The following MITF variants were observed in gnomAD, a reference collection of about 807,000 sequenced individuals.
MITF encodes the protein microphthalmia-associated transcription factor.
Under a neutral mutation model 60.5 loss-of-function variants are expected in MITF, and 17 were observed. The observed-to-expected ratio is 0.28, with a 90% CI of 0.19 to 0.42. The LOEUF is 0.42. MITF is among the 10% of genes least tolerant of loss of function. The pLI is 1.00. For missense variants in MITF, 622 were observed against 683.5 expected, an observed-to-expected ratio of 0.91 and a Z score of 1.00; for synonymous variants, 260 against 248.5, an observed-to-expected ratio of 1.05 and a Z score of -0.43.
intron 1 of MITF, among the ~76,000 whole-genome samples, chr3:69,878,695 A>G (rs2107273698): frequency 6.6e-6 from 1 of 152,302 alleles, no homozygotes; most frequent in East Asian, 1.9e-4. Context: ...AGGCATCTTC[A>G]AAGAACTTAG....
At chr3:69,792,877 A>T (rs2062763573) in intron 1 of MITF, among the ~76,000 whole-genome samples, 1 of 151,968 alleles carries the variant, frequency 6.6e-6, no homozygotes, top group African/African-American at 2.4e-5. Flanking sequence ...TTAATTACAC[A>T]TACATATTTT....
chr3:69,948,423 T>C (rs114294089), intron 5 of MITF, among the ~76,000 whole-genome samples: 2,130 of 151,996 alleles, frequency 0.014, 48 homozygotes, highest in African/African-American at 0.049. Context: ...ATTATTATTC[T>C]CTTGAAAGTG....
intron 1 of MITF, among the ~76,000 whole-genome samples, chr3:69,852,599 T>A (rs1326740253): frequency 6.6e-6 from 1 of 152,238 alleles, no homozygotes; most frequent in Non-Finnish European, 1.5e-5. Flanking sequence ...TGCACTATTA[T>A]GAGCAGTGTT....
At chr3:69,949,256 A>C in intron 6 of MITF, 88 bp downstream of exon 6, 1 of 981,534 alleles carries the variant, frequency 1.0e-6, no homozygotes, top group Non-Finnish European at 1.6e-6. Flanking sequence ...TGTGCAAACT[A>C]TATCCAACTC....
chr3:69,836,357 A>G (rs1289000580), intron 1 of MITF, among the ~76,000 whole-genome samples: 1 of 152,208 alleles, frequency 6.6e-6, no homozygotes, highest in Non-Finnish European at 1.5e-5. Flanking sequence ...ATAATATCCT[A>G]GTATAAGTAT....
At chr3:69,797,720 G>C (rs925457413) in intron 1 of MITF, among the ~76,000 whole-genome samples, 1 of 152,108 alleles carries the variant, frequency 6.6e-6, no homozygotes, top group Admixed American at 6.5e-5. Context: ...AAGGTGACTT[G>C]ATTGTCAAAG....
rs1046824933 is a variant in MITF, at chr3:69,964,839, T to C, written c.1180-8T>C. 3.1e-6 allele frequency: 5 copies of C among 1,613,782 alleles called. No individual in the cohort carries two copies. The highest frequency in any genetic ancestry group is 1.1e-5 in the South Asian group (1 of 91,092). ...TATTTCAGTGTTTTATCTTTACTCT[T>C]ATTATAGGAACTTGAAATGCAGGCT... On this transcript the variant is annotated splice_polypyrimidine_tract_variant and splice_region_variant and intron_variant, in intron 9 of 9. Coordinates refer to ENST00000352241, the MANE Select transcript of MITF (RefSeq NM_001354604.2).
At chr3:69,767,527 G>C (rs537517802) in intron 1 of MITF, among the ~76,000 whole-genome samples, 84 of 152,136 alleles carry the variant, frequency 5.5e-4, no homozygotes, top group Non-Finnish European at 1.1e-3. Context: ...GGAGGTTGCA[G>C]TCAGCCGAGA....
At chr3:69,852,127 A>G (rs2063834457) in intron 1 of MITF, among the ~76,000 whole-genome samples, 1 of 152,194 alleles carries the variant, frequency 6.6e-6, no homozygotes, top group African/African-American at 2.4e-5. Flanking sequence ...TTGTTAAGAA[A>G]GTGAAGAAGG....
intron 1 of MITF, among the ~76,000 whole-genome samples, chr3:69,814,020 A>G (rs2063142013): frequency 6.6e-6 from 1 of 152,050 alleles, no homozygotes; most frequent in Non-Finnish European, 1.5e-5. Context: ...AAATGGTGGT[A>G]TGGCTGGCTC....
chr3:69,781,444 A>G (rs1304432745), intron 1 of MITF, among the ~76,000 whole-genome samples: 2 of 152,160 alleles, frequency 1.3e-5, no homozygotes, highest in Non-Finnish European at 2.9e-5. Flanking sequence ...TCCCAGTGCA[A>G]AATGAACATG....
At chr3:69,920,649 C>T (rs1041284252) in intron 2 of MITF, among the ~76,000 whole-genome samples, 2 of 152,190 alleles carry the variant, frequency 1.3e-5, no homozygotes, top group African/African-American at 4.8e-5. Context: ...CCCATGTGAC[C>T]TTACCTATCA....
intron 9 of MITF, among the ~76,000 whole-genome samples, chr3:69,961,333 G>A (rs1021936042): frequency 6.6e-6 from 1 of 151,236 alleles, no homozygotes; most frequent in Non-Finnish European, 1.5e-5. Context: ...AGTGAGCCAA[G>A]ATCGCGCCAC....
At chr3:69,868,375 G>A (rs1235695108) in intron 1 of MITF, among the ~76,000 whole-genome samples, 1 of 152,138 alleles carries the variant, frequency 6.6e-6, no homozygotes, top group Non-Finnish European at 1.5e-5. Flanking sequence ...AGGGATCCTG[G>A]CTCCAGGGCT....
At chr3:69,947,629 T>C (rs911294810) in intron 5 of MITF, among the ~76,000 whole-genome samples, 9 of 152,090 alleles carry the variant, frequency 5.9e-5, no homozygotes, top group Admixed American at 2.0e-4. Context: ...TGTATTAGGT[T>C]TTATGCATAT....
intron 2 of MITF, among the ~76,000 whole-genome samples, chr3:69,933,024 T>A (rs561644371): frequency 1.3e-5 from 2 of 151,930 alleles, no homozygotes; most frequent in African/African-American, 2.4e-5. Context: ...TTATTAAAAA[T>A]ATATATATAT....
intron 1 of MITF, among the ~76,000 whole-genome samples, chr3:69,788,129 T>C (rs1160386306): frequency 6.6e-6 from 1 of 151,746 alleles, no homozygotes; most frequent in African/African-American, 2.4e-5. Context: ...CTATTTTCTT[T>C]TTCTTTTTTT....
chr3:69,938,807 C>G, intron 3 of MITF: 1 of 1,384,714 alleles, frequency 7.2e-7, no homozygotes, highest in Non-Finnish European at 9.3e-7. Flanking sequence ...AGTGTTTATG[C>G]AAATTCGGAG....
chr3:69,949,083 T>C lies in MITF; in HGVS notation c.795T>C (p.Tyr265=), dbSNP rs1559742244. The C allele has an allele frequency of 6.2e-7, 1 of 1,613,776 alleles. No homozygotes were observed. The highest frequency in any genetic ancestry group is 8.5e-7 in the Non-Finnish European group (1 of 1,179,820). ...TCTCGGGAAACTTGATTGATCTTTA[T>C]GGAAACCAAGGTCTGCCCCCACCAG... ...LPVSGNLIDL[Y]GNQGLPPPGL... is the part of the protein sequence containing the mutation. The change falls in exon 6 of 10, where the codon TAT becomes TAC. Residue 265 remains tyrosine, a synonymous_variant. Coordinates refer to ENST00000352241, the MANE Select transcript of MITF (RefSeq NM_001354604.2).
Sources: gnomAD v4.1 joint callset for allele counts (sites outside exome capture counted in the v4.1 genomes callset) on GRCh38, gnomAD v4.1.1 for gene constraint, MANE v1.5 for transcripts, NCBI Gene and HGNC (gene_info 2026-07-23, HGNC 2026-07-21) for gene names.